Variants in PLCL2 observed in about 807,000 individuals in gnomAD.
The protein encoded by PLCL2 is phospholipase C like 2.
PLCL2 carries 4 observed loss-of-function variants against 79.6 expected under a neutral mutation model. The ratio of observed to expected loss-of-function variants is 0.05; its 90% confidence interval spans 0.02 to 0.11. The LOEUF (loss-of-function observed/expected upper bound fraction) is 0.11. Ranked by LOEUF, PLCL2 falls within the 10% of genes least tolerant of loss-of-function variation. The pLI, the probability that PLCL2 is intolerant of heterozygous loss-of-function variation, is 1.00. For missense variants in PLCL2, 895 were observed against 1,291.0 expected, an observed-to-expected ratio of 0.69 and a Z score of 4.70; for synonymous variants, 484 against 457.7, an observed-to-expected ratio of 1.06 and a Z score of -0.73.
rs150954855 is a variant in PLCL2, at chr3:17,080,414, G to A, written c.3205-9319G>A. ...CTATCAATGTATAATAATGAGAGGC[G>A]ATTTAGAATCCGTAGCCAAGACTCC... On this transcript the variant is annotated intron_variant, in intron 5 of 5. Transcript: ENST00000615277. 6.1e-3 allele frequency among the ~76,000 whole-genome samples: 932 copies of A among 152,204 alleles called. 10 individuals carry two copies. The highest frequency in any genetic ancestry group is 0.019 in the African/African-American group (804 of 41,518).
At chr3:17,077,325 T>C (rs937115952) in intron 5 of PLCL2, among the ~76,000 whole-genome samples, 3 of 152,242 alleles carry the variant, frequency 2.0e-5, no homozygotes, top group African/African-American at 7.2e-5. Flanking sequence ...TGCTACTCCA[T>C]GAAACAGAAT....
intron 5 of PLCL2, among the ~76,000 whole-genome samples, chr3:17,085,607 G>A (rs1002864259): frequency 7.2e-5 from 11 of 151,842 alleles, no homozygotes; most frequent in Middle Eastern, 3.4e-3. Flanking sequence ...CCGCCACCAC[G>A]CCCGGCTAAT....
At position 17,011,715 on chromosome 3, in the gene PLCL2, T is replaced by C. The variant is rs1047508244; in HGVS notation, c.2369T>C (p.Ile790Thr). 6.2e-7 allele frequency: 1 copy of C among 1,614,068 alleles called. No homozygotes were observed. The highest frequency in any genetic ancestry group is 8.5e-7 in the Non-Finnish European group (1 of 1,179,958). ...DPYVYVEIHGIPADCAEQRTK... is the reference protein window; with the variant it reads ...DPYVYVEIHGTPADCAEQRTK... The stretch of plus-strand genomic sequence containing the variant: ...TATGTCTATGTTGAAATCCATGGAA[T>C]CCCTGCTGATTGTGCAGAACAAAGG... The change falls in exon 2 of 6, where the codon ATC (isoleucine) becomes ACC (threonine). Residue 790 changes from isoleucine to threonine, a missense_variant. Around this residue, in one of 6 missense-constraint regions of PLCL2, gnomAD observed 298 missense variants for 459.6 expected, o/e 0.65. Coordinates refer to ENST00000615277, the MANE Select transcript of PLCL2 (RefSeq NM_001144382.2). The surrounding 1 kb of genome is among the most constrained non-coding windows in gnomAD (Gnocchi z 7.9).
chr3:16,933,737 A>T (rs2124944609), intron 1 of PLCL2, among the ~76,000 whole-genome samples: 1 of 151,966 alleles, frequency 6.6e-6, no homozygotes, highest in East Asian at 1.9e-4. Flanking sequence ...TGTAAAGTAC[A>T]CATCCATTGT....
At chr3:16,924,992 C>T (rs1314342793) in intron 1 of PLCL2, among the ~76,000 whole-genome samples, 7 of 151,602 alleles carry the variant, frequency 4.6e-5, no homozygotes, top group African/African-American at 1.2e-4. Flanking sequence ...GGCACAATCT[C>T]GGCTCACTGC....
intron 1 of PLCL2, among the ~76,000 whole-genome samples, chr3:17,006,239 A>G (rs904550513): frequency 6.6e-6 from 1 of 152,242 alleles, no homozygotes; most frequent in African/African-American, 2.4e-5. Flanking sequence ...CAGGCTGAAC[A>G]ATGAAAGACA....
intron 1 of PLCL2, among the ~76,000 whole-genome samples, chr3:16,958,399 T>C (rs931007761): frequency 2.0e-5 from 3 of 152,232 alleles, no homozygotes; most frequent in Admixed American, 2.0e-4. Context: ...TTCTGGTATC[T>C]GAAAATGCAT....
intron 1 of PLCL2, among the ~76,000 whole-genome samples, chr3:16,993,546 A>G (rs1189417278): frequency 1.3e-5 from 2 of 152,176 alleles, no homozygotes; most frequent in Admixed American, 6.5e-5. Context: ...GGTAATTGGT[A>G]TGGCAGCCTG....
intron 1 of PLCL2, among the ~76,000 whole-genome samples, chr3:16,934,673 T>A (rs1307422295): frequency 6.6e-6 from 1 of 152,164 alleles, no homozygotes; most frequent in East Asian, 1.9e-4. Context: ...AGGGATGGGA[T>A]GCTATGTAGG....
At chr3:17,071,114 C>T (rs1191211630) in intron 5 of PLCL2, among the ~76,000 whole-genome samples, 1 of 152,090 alleles carries the variant, frequency 6.6e-6, no homozygotes, top group African/African-American at 2.4e-5. Flanking sequence ...CAAAAGCTTT[C>T]CTGATGCATC....
intron 1 of PLCL2, among the ~76,000 whole-genome samples, chr3:16,999,074 G>A (rs73816268): frequency 6.6e-6 from 1 of 152,206 alleles, no homozygotes; most frequent in African/African-American, 2.4e-5. Context: ...CTTCAAATTT[G>A]TACTCTTATG....
chr3:16,965,213 G>C (rs888209211), intron 1 of PLCL2, among the ~76,000 whole-genome samples: 8 of 152,168 alleles, frequency 5.3e-5, no homozygotes, highest in African/African-American at 1.2e-4. Flanking sequence ...ATAAGGAAGG[G>C]ATCCAGTTTC....
intron 4 of PLCL2, among the ~76,000 whole-genome samples, chr3:17,046,324 C>T (rs182751629): frequency 7.2e-5 from 11 of 152,298 alleles, no homozygotes; most frequent in Non-Finnish European, 1.2e-4. Flanking sequence ...TTTCTAATAT[C>T]AGGGCCAAAG....
At chr3:16,921,356 C>T (rs545502504) in intron 1 of PLCL2, among the ~76,000 whole-genome samples, 3 of 152,212 alleles carry the variant, frequency 2.0e-5, no homozygotes, top group East Asian at 1.9e-4. Flanking sequence ...GGGATTGGGG[C>T]GGTCTGATGT....
intron 1 of PLCL2, among the ~76,000 whole-genome samples, chr3:16,955,995 C>G (rs980825342): frequency 1.3e-5 from 2 of 152,160 alleles, no homozygotes; most frequent in African/African-American, 2.4e-5. Flanking sequence ...TTGACTTCCT[C>G]TTTTCCTAAT....
At chr3:17,086,148 A>G (rs2065217798) in intron 5 of PLCL2, among the ~76,000 whole-genome samples, 1 of 152,246 alleles carries the variant, frequency 6.6e-6, no homozygotes, top group Non-Finnish European at 1.5e-5. Flanking sequence ...ATATTAAAGG[A>G]GAAGAATAAA....
chr3:17,061,011 G>A (rs745340015), intron 4 of PLCL2, among the ~76,000 whole-genome samples: 1 of 152,144 alleles, frequency 6.6e-6, no homozygotes, highest in Non-Finnish European at 1.5e-5. Context: ...TAATCTTTAA[G>A]TGTATCCATT....
intron 3 of PLCL2, among the ~76,000 whole-genome samples, chr3:17,040,447 G>A: frequency 6.6e-6 from 1 of 152,184 alleles, no homozygotes. Flanking sequence ...AGCTTTTCAA[G>A]TGGAACTAAA....
At chr3:16,963,951 C>T (rs887205343) in intron 1 of PLCL2, among the ~76,000 whole-genome samples, 3 of 152,056 alleles carry the variant, frequency 2.0e-5, no homozygotes, top group Non-Finnish European at 4.4e-5. Context: ...TGTAGTCAGT[C>T]AGTGAGAGTG....
Sources: gnomAD v4.1 joint callset for allele counts (sites outside exome capture counted in the v4.1 genomes callset) on GRCh38, gnomAD v4.1.1 for gene constraint, gnomAD v4.1.1 regional missense constraint, Gnocchi (gnomAD v3.1) non-coding constraint, MANE v1.5 for transcripts, NCBI Gene and HGNC (gene_info 2026-07-23, HGNC 2026-07-21) for gene names.